Variants in TMEM64 observed in about 807,000 individuals in gnomAD.
The protein encoded by TMEM64 is transmembrane protein 64.
Under a neutral mutation model 24.5 loss-of-function variants are expected in TMEM64, and 19 were observed. The ratio of observed to expected loss-of-function variants is 0.78; its 90% CI spans 0.54 to 1.14. TMEM64 has a LOEUF of 1.14. Ranked by LOEUF, TMEM64 falls within the 50% of genes most tolerant of loss-of-function variation. The pLI is 0.00. For missense variants in TMEM64, 487 were observed against 493.0 expected (o/e 0.99, Z 0.12); for synonymous variants, 262 against 224.7 (o/e 1.17, Z -1.49).
Position 90,630,419 on chromosome 8 carries a change from T to C in TMEM64, c.951+1133A>G, listed in dbSNP as rs556856322. 6.6e-5 allele frequency among the ~76,000 whole-genome samples: 10 copies of C among 152,310 alleles called. No individual in the cohort carries two copies. The South Asian group carries it at 2.1e-3, about 32-fold the overall frequency. On this transcript the variant is annotated intron_variant, in intron 2 of 2. Coordinates refer to ENST00000458549, the MANE Select transcript of TMEM64 (RefSeq NM_001008495.4). ...CAATGGATAGAGAGGGCTGACTATA[T>C]TCTACTGGTTTTGAGCATAATCTCT... is the stretch of plus-strand genomic sequence containing the variant.
At position 90,625,673 on chromosome 8, in the gene TMEM64, A is replaced by C. The variant is rs199534695; in HGVS notation, c.1141T>G (p.Ter381GlyextTer2). The change falls in exon 3 of 3, where the codon TGA becomes GGA. Residue 381 changes from the stop codon to glycine, a stop_lost. Coordinates refer to ENST00000458549, the MANE Select transcript of TMEM64 (RefSeq NM_001008495.4). ...GACAATCACGTATCTCATTAGAATC[A>C]TACAACATTGATTCCACCTCCAGAA... The part of the protein sequence containing the change: ...TFSGGGINVV[*>G] 6.2e-7 allele frequency: 1 copy of C among 1,613,270 alleles called. No homozygotes were observed. The highest frequency in any genetic ancestry group is 8.5e-7 in the Non-Finnish European group (1 of 1,179,468).
At chr8:90,630,699 G>GA (rs902853794) in intron 2 of TMEM64, among the ~76,000 whole-genome samples, 16 of 148,726 alleles carry the variant, frequency 1.1e-4, no homozygotes, top group Non-Finnish European at 1.3e-4. Flanking sequence ...ATAAACATCT[G>GA]AAAAAAAAAA....
Position 90,645,486 on chromosome 8 carries a change from G to A in TMEM64, c.420C>T (p.Val140=), listed in dbSNP as rs1438738808. ...AALCFASLAL[V]RRYLHHLLLW... is the part of the protein sequence containing the mutation. ...GCAGGAGGTGGTGAAGGTAGCGGCGGACCAGGGCCAGGGAAGCGAAGCACA... is the reference window on the plus strand; with the variant it reads ...GCAGGAGGTGGTGAAGGTAGCGGCGAACCAGGGCCAGGGAAGCGAAGCACA... Residue 140 remains valine, a synonymous_variant, in exon 1 of 3, where the codon GTC becomes GTT. Transcript: ENST00000458549. The surrounding 1 kb of genome is among the most constrained non-coding windows in gnomAD (Gnocchi z 4.2). 1 of 1,551,096 alleles carries A rather than the reference G, an allele frequency of 6.4e-7. No homozygotes were observed. The highest frequency in any genetic ancestry group is 2.4e-5 in the East Asian group (1 of 40,918).
At chr8:90,643,360 T>C (rs1418035295) in intron 1 of TMEM64, among the ~76,000 whole-genome samples, 2 of 152,204 alleles carry the variant, frequency 1.3e-5, no homozygotes, top group African/African-American at 2.4e-5. Context: ...CCTATGGAAG[T>C]AGGTATCATT....
chr8:90,625,961 G>T, intron 2 of TMEM64, 99 bp from the exon 3 acceptor site: 1 of 823,306 alleles, frequency 1.2e-6, no homozygotes, highest in Non-Finnish European at 1.8e-6. Context: ...CAAACAGGGT[G>T]CTTCTCAAAG....
chr8:90,631,709 T>G lies in TMEM64; in HGVS notation c.796-2A>C, dbSNP rs747997060. On this transcript the variant is annotated splice_acceptor_variant, in intron 1 of 2. Transcript: ENST00000458549. LOFTEE classifies it high-confidence loss of function. Reference sequence around the variant, plus strand: ...GTTGGGTAATGAGAGATCAGTAATCTAGAAGAGTAGATTAAAGGGAATGAT... The same window carrying G: ...GTTGGGTAATGAGAGATCAGTAATCGAGAAGAGTAGATTAAAGGGAATGAT... The G allele has an allele frequency of 6.2e-7, 1 of 1,608,416 alleles. No individual in the cohort carries two copies. The highest frequency in any genetic ancestry group is 2.2e-5 in the East Asian group (1 of 44,708).
At chr8:90,628,987 C>T (rs1413970467) in intron 2 of TMEM64, among the ~76,000 whole-genome samples, 1 of 152,118 alleles carries the variant, frequency 6.6e-6, no homozygotes, top group Non-Finnish European at 1.5e-5. Flanking sequence ...TTTTGTATTG[C>T]TTTATTTTAG....
At chr8:90,634,416 G>T (rs887558415) in intron 1 of TMEM64, among the ~76,000 whole-genome samples, 5 of 152,054 alleles carry the variant, frequency 3.3e-5, no homozygotes, top group Non-Finnish European at 7.4e-5. Flanking sequence ...ACGTGGCAAG[G>T]AATTTCCCAT....
In TMEM64 at chr8:90,622,150, T is replaced by A. The variant is rs1586123167; in HGVS notation, c.*3521A>T. On this transcript the variant is annotated 3_prime_UTR_variant, in exon 3 of 3. Coordinates refer to ENST00000458549, the MANE Select transcript of TMEM64 (RefSeq NM_001008495.4). ...GCAATCACTTTGCAATTCATAAGTA[T>A]CAGGTTAGAATTTAGTTGTGGAATA... The A allele has an allele frequency of 1.3e-5, 2 of 152,196 alleles. No homozygotes were observed. The highest frequency in any genetic ancestry group is 4.8e-5 in the African/African-American group (2 of 41,448). The allele number at this position is 152,196 out of a possible 1,614,324, so 9.4% of individuals were successfully genotyped here. A position where few individuals can be genotyped will look rare whatever the true frequency, so the allele number is the denominator to read the frequency against.
At chr8:90,643,216 C>T (rs1809633600) in intron 1 of TMEM64, among the ~76,000 whole-genome samples, 1 of 152,138 alleles carries the variant, frequency 6.6e-6, no homozygotes, top group Non-Finnish European at 1.5e-5. Context: ...GACCATGGTT[C>T]AAAGTTTGAC....
Position 90,645,077 on chromosome 8 carries a change from T to C in TMEM64, c.795+34A>G. The C allele has an allele frequency of 1.3e-6, 2 of 1,573,206 alleles. No individual in the cohort carries two copies. Among genetic ancestry groups the C allele is most frequent in the South Asian group, 1.2e-5 (1 of 84,832 alleles). On this transcript the variant is annotated intron_variant, in intron 1 of 2. Transcript: ENST00000458549. The surrounding 1 kb of genome is among the most constrained non-coding windows in gnomAD (Gnocchi z 4.2). ...GCCACAAGACCGCTCAAAAACAGAC[T>C]TGGAGAGGGATAGGCCAGCGGGACC...
intron 2 of TMEM64, 40 bp downstream of exon 2, chr8:90,631,512 C>A: frequency 5.5e-6 from 8 of 1,442,344 alleles, no homozygotes; most frequent in Admixed American, 2.0e-5. Flanking sequence ...CAAAAAGAAA[C>A]AGAGAGAAAA....
chr8:90,640,729 C>T (rs779881022), intron 1 of TMEM64, among the ~76,000 whole-genome samples: 1 of 152,146 alleles, frequency 6.6e-6, no homozygotes, highest in Non-Finnish European at 1.5e-5. Context: ...AATGCAAACT[C>T]AAAGAAAACT....
chr8:90,635,996 CACTCA>C (rs1809512128), intron 1 of TMEM64, among the ~76,000 whole-genome samples: 2 of 152,236 alleles, frequency 1.3e-5, no homozygotes, highest in African/African-American at 4.8e-5. Flanking sequence ...ACAACTCCAC[CACTCA>C]ACTCAACAAG....
Position 90,639,313 on chromosome 8 carries a change from C to G in TMEM64, c.795+5798G>C, listed in dbSNP as rs4556055. On this transcript the variant is annotated intron_variant, in intron 1 of 2. Coordinates refer to ENST00000458549, the MANE Select transcript of TMEM64 (RefSeq NM_001008495.4). ...AATTAGGAACTGCTTTTAATGGTTC[C>G]CAAATATCTTAGGGAGAGGTCACCA... Among the ~76,000 whole-genome samples the G allele has an allele frequency of 2.5e-3, 375 of 151,880 alleles. 7 individuals are homozygous for G. The highest frequency in any genetic ancestry group is 7.4e-3 in the East Asian group (38 of 5,150).
At chr8:90,632,614 G>A (rs111994977) in intron 1 of TMEM64, among the ~76,000 whole-genome samples, 7,083 of 152,242 alleles carry the variant, frequency 0.047, 186 homozygotes, top group African/African-American at 0.057. Context: ...GAGCCAGCAC[G>A]CCAGGCCCTA....
chr8:90,626,761 G>C (rs1809367098), intron 2 of TMEM64, among the ~76,000 whole-genome samples: 1 of 151,534 alleles, frequency 6.6e-6, no homozygotes, highest in African/African-American at 2.4e-5. Context: ...CTCCTGAGTA[G>C]CTGGGATTAC....
intron 1 of TMEM64, among the ~76,000 whole-genome samples, chr8:90,639,915 A>G (rs1461522468): frequency 6.6e-6 from 1 of 152,230 alleles, no homozygotes; most frequent in Non-Finnish European, 1.5e-5. Flanking sequence ...CATACTCTAT[A>G]TACATTAATA....
At chr8:90,631,505 A>G (rs1392976663) in intron 2 of TMEM64, 47 bp downstream of exon 2, 1 of 1,437,264 alleles carries the variant, frequency 7.0e-7, no homozygotes, top group Non-Finnish European at 9.3e-7. Context: ...TGCCATACAA[A>G]AAGAAACAGA....
Sources: allele counts gnomAD v4.1 joint callset (sites outside exome capture counted in the v4.1 genomes callset), GRCh38; gene constraint gnomAD v4.1.1; non-coding constraint Gnocchi (gnomAD v3.1); transcripts MANE v1.5; gene names NCBI Gene and HGNC (gene_info 2026-07-23, HGNC 2026-07-21).